Variants in UBE3B observed in about 807,000 individuals in gnomAD.
UBE3B encodes the protein ubiquitin-protein ligase E3B.
UBE3B carries 80 observed loss-of-function variants against 132.3 expected under a neutral mutation model. The observed-to-expected ratio is 0.60, with a 90% CI of 0.50 to 0.73. The LOEUF (loss-of-function observed/expected upper bound fraction) is 0.73, where lower values mean the gene tolerates loss of function less well. UBE3B is among the 30% of genes least tolerant of loss of function. The probability of loss-of-function intolerance (pLI) is 0.00; values close to 1 mark genes in which losing one functional copy is unlikely to be tolerated. For synonymous variants in UBE3B, 487 were observed against 520.4 expected, an observed-to-expected ratio of 0.94 and a Z score of 0.87; for missense variants, 1,196 against 1,362.5, an observed-to-expected ratio of 0.88 and a Z score of 1.92.
intron 14 of UBE3B, among the ~76,000 whole-genome samples, chr12:109,503,486 CA>C (rs58979120): frequency 2.9e-4 from 41 of 141,726 alleles, no homozygotes; most frequent in East Asian, 4.0e-4. Flanking sequence ...GATAGGGTTG[CA>C]AAAAAAAAAG....
At chr12:109,506,179 T>C (rs1291569832) in intron 14 of UBE3B, among the ~76,000 whole-genome samples, 1 of 152,140 alleles carries the variant, frequency 6.6e-6, no homozygotes. Flanking sequence ...ACTTTTAACA[T>C]AATAGAATAA....
chr12:109,516,448 A>T (rs914165227), intron 18 of UBE3B, among the ~76,000 whole-genome samples: 9 of 152,182 alleles, frequency 5.9e-5, no homozygotes, highest in Middle Eastern at 3.4e-3. Context: ...GAGTGCTGGG[A>T]TTACAGGCGT....
At chr12:109,509,782 A>G (rs951016350) in intron 16 of UBE3B, 68 bp downstream of exon 16, 2 of 937,742 alleles carry the variant, frequency 2.1e-6, no homozygotes, top group African/African-American at 1.7e-5. Flanking sequence ...AGTCTATGGC[A>G]TCAACTGATT....
Position 109,534,614 on chromosome 12 carries a change from C to T in UBE3B, c.3039C>T (p.Ser1013=), listed in dbSNP as rs1210154943. 1.2e-6 allele frequency: 2 copies of T among 1,610,594 alleles called. No individual in the cohort carries two copies. Among genetic ancestry groups the T allele is most frequent in the South Asian group, 1.1e-5 (1 of 90,694 alleles). Residue 1013 remains serine (S), a synonymous_variant, in exon 28 of 28, where the codon AGC becomes AGT. Transcript: ENST00000342494. This position sits in a 1 kb window ranked among gnomAD's most constrained non-coding sequence, Gnocchi z 5.2. ...AGGACACCGGGGACACTCTGGGCAG[C>T]GTCCTCCGGGGCTTCTTCACCATCC... ...DDQDTGDTLG[S]VLRGFFTIRK... is the part of the protein sequence containing the mutation.
intron 24 of UBE3B, 167 bp downstream of exon 24, chr12:109,526,583 C>G: frequency 2.6e-6 from 2 of 775,898 alleles, no homozygotes; most frequent in South Asian, 3.7e-5. Context: ...GTATTAAATT[C>G]AATTTGCGGC....
intron 4 of UBE3B, 111 bp from the exon 5 acceptor site, chr12:109,485,901 C>A: frequency 3.5e-6 from 4 of 1,133,042 alleles, no homozygotes; most frequent in South Asian, 2.9e-5. Context: ...ATGTGTGAAT[C>A]ACCTGGCATA....
chr12:109,490,140 C>G, intron 8 of UBE3B, 136 bp downstream of exon 8: 1 of 928,754 alleles, frequency 1.1e-6, no homozygotes, highest in Non-Finnish European at 1.7e-6. Flanking sequence ...TGCCTGCTGT[C>G]CTCTTCTTCC....
In UBE3B at chr12:109,536,003, G is replaced by C. The variant is rs1267829550; in HGVS notation, c.*1221G>C. The C allele has an allele frequency of 6.6e-6, 1 of 152,122 alleles. No homozygotes were observed. Among genetic ancestry groups the C allele is most frequent in the Non-Finnish European group, 1.5e-5 (1 of 68,040 alleles). The allele number at this position is 152,122 out of a possible 1,614,324, so 9.4% of individuals were successfully genotyped here. ...CACCACCAAGGTTGATGCCGGATTC[G>C]AAGCCAGGAAGGCCCAGTCCCTCCT... On this transcript the variant is annotated 3_prime_UTR_variant, in exon 28 of 28. Coordinates refer to ENST00000342494, the MANE Select transcript of UBE3B (RefSeq NM_130466.4).
chr12:109,534,774 C>G lies in UBE3B; in HGVS notation c.3199C>G (p.Leu1067Val). The G allele has an allele frequency of 6.6e-7, 1 of 1,522,254 alleles. No homozygotes were observed. The highest frequency in any genetic ancestry group is 8.8e-7 in the Non-Finnish European group (1 of 1,132,332). The allele number at this position is 1,522,254 out of a possible 1,614,324, so 94.3% of individuals were successfully genotyped here. The change falls in exon 28 of 28, where the codon CTC becomes GTC. Residue 1067 changes from leucine to valine, a missense_variant. Physicochemically the swap from Leu to Val is conservative, Grantham distance 32 (BLOSUM62 1). Coordinates refer to ENST00000342494, the MANE Select transcript of UBE3B (RefSeq NM_130466.4). This position sits in a 1 kb window ranked among gnomAD's most constrained non-coding sequence, Gnocchi z 5.2. ...CATCAGCATGAACACGGGCTTTGAA[C>G]TCTCCTAGCTCCTGTCCCAGCCCTG... ...YAISMNTGFE[L>V]S
chr12:109,491,151 G>T, intron 9 of UBE3B, 24 bp downstream of exon 9: 1 of 1,609,142 alleles, frequency 6.2e-7, no homozygotes, highest in East Asian at 2.2e-5. Context: ...CATAGCTGAG[G>T]TGTTGGCATG....
chr12:109,544,180 A>G, the UBE3B span, among the ~76,000 whole-genome samples: 1 of 152,190 alleles, frequency 6.6e-6, no homozygotes, highest in Non-Finnish European at 1.5e-5. Flanking sequence ...CAGAGTTCTC[A>G]TTCTCCAAAC....
downstream of UBE3B, among the ~76,000 whole-genome samples, chr12:109,540,567 T>C (rs1697860914): frequency 1.3e-5 from 2 of 152,212 alleles, no homozygotes; most frequent in Admixed American, 1.3e-4. Context: ...CTTCTAAATC[T>C]GGTTTTTATG....
chr12:109,546,959 C>G, the UBE3B span, among the ~76,000 whole-genome samples: 1 of 152,186 alleles, frequency 6.6e-6, no homozygotes, highest in Non-Finnish European at 1.5e-5. Context: ...ATCCTCCTGC[C>G]TCAGCCTCCC....
At chr12:109,546,179 A>T in the UBE3B span, among the ~76,000 whole-genome samples, 1 of 152,054 alleles carries the variant, frequency 6.6e-6, no homozygotes, top group Admixed American at 6.5e-5. Flanking sequence ...GTGATGGTGA[A>T]TGCGCCAGTG....
rs1878433967 is a variant in UBE3B at position 109,497,839 on chromosome 12, C to T, written c.735C>T (p.Phe245=). ...LALRPVIAAQ[F]SDNLIRPFLI... is the part of the protein sequence containing the mutation. The stretch of plus-strand genomic sequence containing the variant: ...CTAGCCCTGTGATTGCTGCACAGTT[C>T]TCAGACAATCTGATTCGGCCGTTCC... Residue 245 remains phenylalanine (F), a synonymous_variant, in exon 10 of 28, where the codon TTC becomes TTT. Transcript: ENST00000342494. The T allele has an allele frequency of 1.2e-6, 2 of 1,614,066 alleles. No homozygotes were observed. Among genetic ancestry groups the T allele is most frequent in the South Asian group, 1.1e-5 (1 of 91,080 alleles).
chr12:109,490,025 A>C, intron 8 of UBE3B, 21 bp downstream of exon 8: 1 of 1,610,034 alleles, frequency 6.2e-7, no homozygotes, highest in Non-Finnish European at 8.5e-7. Flanking sequence ...CCTGCCCCCC[A>C]GTGTGCAACT....
chr12:109,534,817 C>A lies in UBE3B; in HGVS notation c.*35C>A. ...CAGCCCTGCCTCCAGGGCTCCTGGG[C>A]TGCCAGGGACCTTCAGCTCCCAGAG... On this transcript the variant is annotated 3_prime_UTR_variant, in exon 28 of 28. Coordinates refer to ENST00000342494, the MANE Select transcript of UBE3B (RefSeq NM_130466.4). The surrounding 1 kb of genome is among the most constrained non-coding windows in gnomAD (Gnocchi z 5.2). 6.8e-7 allele frequency: 1 copy of A among 1,470,406 alleles called. No homozygotes were observed. The highest frequency in any genetic ancestry group is 9.1e-7 in the Non-Finnish European group (1 of 1,104,832). 91.1% of individuals were successfully genotyped at this position (1,470,406 alleles called of 1,614,324 possible). A position where few individuals can be genotyped will look rare whatever the true frequency, so the allele number is the denominator to read the frequency against.
chr12:109,537,766 G>A (rs928407451), downstream of UBE3B, among the ~76,000 whole-genome samples: 17 of 152,162 alleles, frequency 1.1e-4, 1 homozygote, highest in Admixed American at 7.8e-4. Flanking sequence ...GTGCAGTGGC[G>A]CGATCTCAGC....
rs1434323515 is a variant in UBE3B, at chr12:109,491,049, T to C, written c.635T>C (p.Leu212Ser). The change falls in exon 9 of 28, where the codon TTG becomes TCG. Residue 212 changes from leucine (L) to serine (S), a missense_variant. Physicochemically the swap from Leu to Ser is moderately radical, Grantham distance 145. Coordinates refer to ENST00000342494, the MANE Select transcript of UBE3B (RefSeq NM_130466.4). ...QHGFYSVLQI[L>S]LTRGLARPRP... The stretch of plus-strand genomic sequence containing the variant: ...CAATTAAAACATTCTTTTCAGATAT[T>C]GTTAACCCGTGGCCTGGCAAGACCC... 6.2e-7 allele frequency: 1 copy of C among 1,613,688 alleles called. No individual in the cohort carries two copies. The highest frequency in any genetic ancestry group is 1.3e-5 in the African/African-American group (1 of 75,038).
Sources: gnomAD v4.1 joint callset for allele counts (sites outside exome capture counted in the v4.1 genomes callset) on GRCh38, gnomAD v4.1.1 for gene constraint, Gnocchi (gnomAD v3.1) non-coding constraint, MANE v1.5 for transcripts, NCBI Gene and HGNC (gene_info 2026-07-23, HGNC 2026-07-21) for gene names.